TMEM178B: variants seen among roughly 807,000 people sequenced by gnomAD.
The protein encoded by TMEM178B is transmembrane protein 178B.
A neutral mutation model predicts 31.0 loss-of-function variants in TMEM178B; 5 were observed. The ratio of observed to expected loss-of-function variants is 0.16; its 90% confidence interval spans 0.08 to 0.34. The LOEUF (loss-of-function observed/expected upper bound fraction) is 0.34, where lower values mean the gene tolerates loss of function less well. TMEM178B is among the 10% of genes least tolerant of loss of function. TMEM178B has a pLI of 1.00. For synonymous variants in TMEM178B, 164 were observed against 164.0 expected (o/e 1.00, Z 0.00); for missense variants, 275 against 400.3 (o/e 0.69, Z 2.67).
intron 1 of TMEM178B, among the ~76,000 whole-genome samples, chr7:141,112,429 T>C (rs547421591): frequency 2.0e-5 from 3 of 152,114 alleles, no homozygotes; most frequent in Non-Finnish European, 4.4e-5. Flanking sequence ...AATTTTTGTA[T>C]TTTTTGCAGA....
chr7:141,490,060 G>C, the TMEM178B span, among the ~76,000 whole-genome samples: 1 of 152,154 alleles, frequency 6.6e-6, no homozygotes, highest in Non-Finnish European at 1.5e-5. Context: ...GGGAGTATTT[G>C]ACTTAGTGAG....
At chr7:141,340,889 A>G (rs1799505366) in intron 2 of TMEM178B, among the ~76,000 whole-genome samples, 1 of 151,986 alleles carries the variant, frequency 6.6e-6, no homozygotes, top group Non-Finnish European at 1.5e-5. Context: ...GATCCTTCTT[A>G]TTTTTTCAAT....
At chr7:141,389,600 C>T (rs910379895) in intron 2 of TMEM178B, among the ~76,000 whole-genome samples, 25 of 152,230 alleles carry the variant, frequency 1.6e-4, no homozygotes, top group African/African-American at 6.0e-4. Flanking sequence ...TAATAACACA[C>T]TAGTGCACCA....
rs1244610033 is a variant in TMEM178B at position 141,074,160 on chromosome 7, T to C, written c.-151T>C. On this transcript the variant is annotated 5_prime_UTR_variant, in exon 1 of 4. Transcript: ENST00000565468. The surrounding 1 kb of genome is among the most constrained non-coding windows in gnomAD (Gnocchi z 5.1). ...CATCCCCGCAGTCCCCGGGCCGTGC[T>C]CCGGTAGGCGGGGGCCGAGGGGGCG... is the stretch of plus-strand genomic sequence containing the variant. 2 of 1,182,874 alleles carry C rather than the reference T, an allele frequency of 1.7e-6. No homozygotes were observed. Among genetic ancestry groups the C allele is most frequent in the Non-Finnish European group, 2.2e-6 (2 of 890,328 alleles). The allele number at this position is 1,182,874 out of a possible 1,614,324, so 73.3% of individuals were successfully genotyped here. A position where few individuals can be genotyped will look rare whatever the true frequency, so the allele number is the denominator to read the frequency against.
intron 1 of TMEM178B, among the ~76,000 whole-genome samples, chr7:141,113,432 A>G (rs1795267142): frequency 6.6e-6 from 1 of 152,240 alleles, no homozygotes; most frequent in South Asian, 2.1e-4. Context: ...CTAGACAGGC[A>G]TGGAAGGTTC....
chr7:141,472,535 G>T lies in TMEM178B; in HGVS notation c.*1749G>T, dbSNP rs2116733301. ...TCAGTGAGCCTGCTGGTGCCCAGCA[G>T]CCCTGGGGAGGCCAGGTGAGAATCC... is the stretch of plus-strand genomic sequence containing the variant. On this transcript the variant is annotated 3_prime_UTR_variant, in exon 4 of 4. Transcript: ENST00000565468. 6.6e-6 allele frequency: 1 copy of T among 152,332 alleles called. No individual in the cohort carries two copies. Among genetic ancestry groups the T allele is most frequent in the East Asian group, 1.9e-4 (1 of 5,146 alleles). 9.4% of individuals were successfully genotyped at this position (152,332 alleles called of 1,614,324 possible).
intron 2 of TMEM178B, among the ~76,000 whole-genome samples, chr7:141,299,930 A>G (rs887375133): frequency 6.6e-6 from 1 of 152,002 alleles, no homozygotes; most frequent in Non-Finnish European, 1.5e-5. Flanking sequence ...GACTGCAGAC[A>G]TGTGTCATCA....
At chr7:141,440,996 G>A (rs1336063415) in intron 3 of TMEM178B, among the ~76,000 whole-genome samples, 5 of 152,234 alleles carry the variant, frequency 3.3e-5, no homozygotes, top group African/African-American at 1.2e-4. Context: ...TCGAAGTGTG[G>A]TCTTTCTTGA....
At chr7:141,206,316 A>G (rs148062508) in intron 1 of TMEM178B, among the ~76,000 whole-genome samples, 134 of 152,306 alleles carry the variant, frequency 8.8e-4, no homozygotes, top group Non-Finnish European at 1.6e-3. Flanking sequence ...GACTAAGTGG[A>G]AGCTAGAGTG....
chr7:141,076,811 A>T (rs1191325875), intron 1 of TMEM178B, among the ~76,000 whole-genome samples: 1 of 152,192 alleles, frequency 6.6e-6, no homozygotes, highest in Non-Finnish European at 1.5e-5. Context: ...AACTAATGGA[A>T]ATGGTGTTCC....
chr7:141,231,235 G>A (rs1797437979), intron 2 of TMEM178B, among the ~76,000 whole-genome samples: 1 of 149,986 alleles, frequency 6.7e-6, no homozygotes, highest in Admixed American at 6.7e-5. Flanking sequence ...CATATTTATT[G>A]AATGAACAAA....
intron 2 of TMEM178B, among the ~76,000 whole-genome samples, chr7:141,234,777 C>A (rs1455176846): frequency 6.6e-6 from 1 of 152,328 alleles, no homozygotes. Context: ...GATGAGAGAG[C>A]AGAGGACAGG....
intron 2 of TMEM178B, among the ~76,000 whole-genome samples, chr7:141,371,836 C>T (rs564211033): frequency 1.6e-4 from 25 of 152,290 alleles, no homozygotes; most frequent in Middle Eastern, 6.8e-3. Flanking sequence ...TAAAGCCAGT[C>T]CCTCTGCTCC....
At chr7:141,115,013 G>T (rs116552008) in intron 1 of TMEM178B, among the ~76,000 whole-genome samples, 1,615 of 152,074 alleles carry the variant, frequency 0.011, 32 homozygotes, top group African/African-American at 0.036. Context: ...ATCCCAAGAA[G>T]GTCAGTTAGG....
chr7:141,428,501 G>A (rs1019843428), intron 2 of TMEM178B, among the ~76,000 whole-genome samples: 14 of 152,068 alleles, frequency 9.2e-5, no homozygotes, highest in African/African-American at 3.1e-4. Flanking sequence ...AGGCAAAATG[G>A]CAGCGTTTAA....
At chr7:141,492,179 T>C in the TMEM178B span, among the ~76,000 whole-genome samples, 1 of 152,116 alleles carries the variant, frequency 6.6e-6, no homozygotes, top group African/African-American at 2.4e-5. Flanking sequence ...TGCCAGCATG[T>C]CCTGACCTCT....
intron 2 of TMEM178B, among the ~76,000 whole-genome samples, chr7:141,339,152 G>A (rs1799474098): frequency 1.3e-5 from 2 of 152,164 alleles, no homozygotes; most frequent in African/African-American, 2.4e-5. Context: ...TGGCTATAGC[G>A]AAGTTCCCTG....
intron 2 of TMEM178B, among the ~76,000 whole-genome samples, chr7:141,374,538 T>A (rs1328819756): frequency 6.6e-6 from 1 of 152,066 alleles, no homozygotes; most frequent in Admixed American, 6.6e-5. Context: ...GGCCTAGAGG[T>A]AGACTTGGAG....
At chr7:141,412,322 G>A (rs1174200333) in intron 2 of TMEM178B, among the ~76,000 whole-genome samples, 2 of 152,160 alleles carry the variant, frequency 1.3e-5, no homozygotes, top group African/African-American at 4.8e-5. Context: ...GAGAGTGCAG[G>A]AACGAAGTGT....
Sources: allele counts gnomAD v4.1 joint callset (sites outside exome capture counted in the v4.1 genomes callset), GRCh38; gene constraint gnomAD v4.1.1; non-coding constraint Gnocchi (gnomAD v3.1); transcripts MANE v1.5; gene names NCBI Gene and HGNC (gene_info 2026-07-23, HGNC 2026-07-21).